Variants in DISP3 observed in about 807,000 individuals in gnomAD.
DISP3 encodes the protein dispatched RND transporter family member 3, also known as protein dispatched homolog 3.
Under a neutral mutation model 135.3 loss-of-function variants are expected in DISP3, and 101 were observed. The ratio of observed to expected loss-of-function variants is 0.75; its 90% confidence interval spans 0.64 to 0.88. The LOEUF is 0.88. DISP3 is among the 40% of genes least tolerant of loss of function. DISP3 has a pLI of 0.00. For missense variants in DISP3, 1,713 were observed against 1,878.6 expected (o/e 0.91, Z 1.63); for synonymous variants, 856 against 817.0 (o/e 1.05, Z -0.81).
At chr1:11,532,296 C>T (rs1250590623) in intron 17 of DISP3, among the ~76,000 whole-genome samples, 4 of 152,248 alleles carry the variant, frequency 2.6e-5, no homozygotes, top group Non-Finnish European at 5.9e-5. Flanking sequence ...CTGCTGCCTC[C>T]GTGCAGAGAC....
Position 11,519,497 on chromosome 1 carries a change from G to C in DISP3, c.2032G>C (p.Glu678Gln). 6.2e-7 allele frequency: 1 copy of C among 1,613,432 alleles called. No individual in the cohort carries two copies. Among genetic ancestry groups the C allele is most frequent in the Non-Finnish European group, 8.5e-7 (1 of 1,179,986 alleles). The change falls in exon 8 of 21, where the codon GAG becomes CAG. Residue 678 changes from glutamate to glutamine, a missense_variant. Around this residue, in one of 2 missense-constraint regions of DISP3, gnomAD observed 1,142 missense variants for 1,384.6 expected, o/e 0.82. Transcript: ENST00000294484. This position sits in a 1 kb window ranked among gnomAD's most constrained non-coding sequence, Gnocchi z 4.3. ...DDIPLLEVEE[E>Q]PVSLELGDVS... ...CATCCCCTTGCTGGAGGTCGAGGAA[G>C]AGCCAGGTGAGAGCTGGCACAGGCC...
Position 11,523,656 on chromosome 1 carries a change from A to G in DISP3, c.2363-286A>G, listed in dbSNP as rs1180783116. Among the ~76,000 whole-genome samples, 2 of 146,992 alleles carry G rather than the reference A, an allele frequency of 1.4e-5. 1 individual carries two copies. Among genetic ancestry groups the G allele is most frequent in the East Asian group, 4.1e-4 (2 of 4,910 alleles). On this transcript the variant is annotated intron_variant, in intron 10 of 20. Coordinates refer to ENST00000294484, the MANE Select transcript of DISP3 (RefSeq NM_020780.2). ...GGGGCAGAGTGGCACAGAGACAGCAAGCAGGGGGCAGAGTGGCACAGAGAG... is the reference window on the plus strand; with the variant it reads ...GGGGCAGAGTGGCACAGAGACAGCAGGCAGGGGGCAGAGTGGCACAGAGAG...
At position 11,531,572 on chromosome 1, in the gene DISP3, C is replaced by T. The variant is rs910385619; in HGVS notation, c.3237C>T (p.Ser1079=). The T allele has an allele frequency of 5.0e-6, 8 of 1,613,458 alleles. No homozygotes were observed. The highest frequency in any genetic ancestry group is 1.3e-5 in the African/African-American group (1 of 75,036). Residue 1079 remains serine, a synonymous_variant, in exon 17 of 21, where the codon AGC becomes AGT. Coordinates refer to ENST00000294484, the MANE Select transcript of DISP3 (RefSeq NM_020780.2). The surrounding 1 kb of genome is among the most constrained non-coding windows in gnomAD (Gnocchi z 5.2). The part of the protein sequence containing the change: ...GGAQCLPSGY[S]ISSFLQMLHP... Reference sequence around the variant, plus strand: ...TCTTGCCTCTCCCCGCAGGCTACAGCATCTCCTCCTTCCTGCAGATGTTGC... The same window carrying T: ...TCTTGCCTCTCCCCGCAGGCTACAGTATCTCCTCCTTCCTGCAGATGTTGC...
intron 17 of DISP3, chr1:11,533,618 C>A: frequency 1.6e-6 from 1 of 621,852 alleles, no homozygotes; most frequent in African/African-American, 1.8e-5. Context: ...TCAGAACTCA[C>A]CTCCCTCTGC....
chr1:11,518,800 G>A (rs1485382736), intron 7 of DISP3, among the ~76,000 whole-genome samples: 1 of 151,914 alleles, frequency 6.6e-6, no homozygotes, highest in East Asian at 2.0e-4. Flanking sequence ...GATTAAGTGA[G>A]ATAATCCACG....
At chr1:11,528,521 A>G (rs963533540) in intron 13 of DISP3, among the ~76,000 whole-genome samples, 9 of 152,234 alleles carry the variant, frequency 5.9e-5, no homozygotes, top group African/African-American at 1.9e-4. Context: ...CCTGCCCTCG[A>G]GCTGTCTAGT....
intron 1 of DISP3, among the ~76,000 whole-genome samples, chr1:11,498,397 G>A (rs1157734120): frequency 6.6e-6 from 1 of 152,202 alleles, no homozygotes; most frequent in Non-Finnish European, 1.5e-5. Flanking sequence ...GTTGTCAGCA[G>A]GAAGTCCTAC....
intron 13 of DISP3, among the ~76,000 whole-genome samples, chr1:11,528,579 G>A (rs1433518132): frequency 6.6e-6 from 1 of 152,228 alleles, no homozygotes; most frequent in Non-Finnish European, 1.5e-5. Context: ...TACAAACTAT[G>A]ATACGTGCTC....
At chr1:11,485,305 G>T (rs959235406) in intron 1 of DISP3, among the ~76,000 whole-genome samples, 1 of 152,308 alleles carries the variant, frequency 6.6e-6, no homozygotes, top group Non-Finnish European at 1.5e-5. Context: ...GACTGTCCAT[G>T]AGCTTGATGT....
Position 11,536,594 on chromosome 1 carries a change from G to A in DISP3, c.4087G>A (p.Val1363Met), listed in dbSNP as rs762989717. 1.4e-5 allele frequency: 23 copies of A among 1,611,436 alleles called. No individual in the cohort carries two copies. Among genetic ancestry groups the A allele is most frequent in the African/African-American group, 1.3e-5 (1 of 74,902 alleles). Residue 1363 changes from valine to methionine, a missense_variant, in exon 21 of 21, where the codon GTG becomes ATG. By Grantham distance (21) the Val-to-Met change is conservative. This residue lies in a region of DISP3 where 1,142 missense variants were observed against 1,384.6 expected (regional missense o/e 0.82). Transcript: ENST00000294484. The surrounding 1 kb of genome is among the most constrained non-coding windows in gnomAD (Gnocchi z 4.3). ...TTCCTTCCTCAAGGCCCTGGGTGCCGTGCTGCTGGCAGGGGCCCTGGGGCT... is the reference window on the plus strand; with the variant it reads ...TTCCTTCCTCAAGGCCCTGGGTGCCATGCTGCTGGCAGGGGCCCTGGGGCT... ...RTSFLKALGA[V>M]LLAGALGLGA...
At chr1:11,481,640 C>T (rs1050297901) in intron 1 of DISP3, 5 of 152,214 alleles carry the variant, frequency 3.3e-5, no homozygotes, top group South Asian at 2.1e-4. Flanking sequence ...AAACTACTTC[C>T]CTTCTCTGAG....
At chr1:11,514,588 C>G in intron 4 of DISP3, 62 bp downstream of exon 4, 1 of 1,552,010 alleles carries the variant, frequency 6.4e-7, no homozygotes, top group Non-Finnish European at 8.8e-7. Context: ...CTGCCCAGAG[C>G]CTGCCTTCTC....
chr1:11,487,687 G>C (rs549847934), intron 1 of DISP3, among the ~76,000 whole-genome samples: 1 of 152,118 alleles, frequency 6.6e-6, no homozygotes, highest in African/African-American at 2.4e-5. Context: ...AACACCCTTG[G>C]CTCAGGTTCA....
Position 11,536,779 on chromosome 1 carries a change from G to A in DISP3, c.*93G>A. 1 of 1,424,892 alleles carries A rather than the reference G, an allele frequency of 7.0e-7. No individual in the cohort carries two copies. The highest frequency in any genetic ancestry group is 2.8e-5 in the Admixed American group (1 of 35,518). 88.3% of individuals were successfully genotyped at this position (1,424,892 alleles called of 1,614,324 possible). A position where few individuals can be genotyped will look rare whatever the true frequency, so the allele number is the denominator to read the frequency against. On this transcript the variant is annotated 3_prime_UTR_variant, in exon 21 of 21. Coordinates refer to ENST00000294484, the MANE Select transcript of DISP3 (RefSeq NM_020780.2). This position sits in a 1 kb window ranked among gnomAD's most constrained non-coding sequence, Gnocchi z 4.3. ...TCGACTTCAGCTAGCTGTGTCCCCA[G>A]GCCTGGGCCCAGGGCGCCCTGCGGG...
intron 3 of DISP3, 36 bp downstream of exon 3, chr1:11,502,933 C>T (rs1641593084): frequency 6.5e-7 from 1 of 1,536,068 alleles, no homozygotes; most frequent in Non-Finnish European, 8.9e-7. Flanking sequence ...TGTGCATGCC[C>T]ATTTTTGATT....
intron 3 of DISP3, among the ~76,000 whole-genome samples, chr1:11,507,380 A>G (rs764557233): frequency 6.6e-6 from 1 of 152,058 alleles, no homozygotes; most frequent in African/African-American, 2.4e-5. Flanking sequence ...AAAAGCTGCT[A>G]AAAAAAATCA....
At position 11,529,686 on chromosome 1, in the gene DISP3, G is replaced by A. The variant is rs778432547; in HGVS notation, c.2929G>A (p.Val977Met). 6.2e-7 allele frequency: 1 copy of A among 1,603,486 alleles called. No individual in the cohort carries two copies. The highest frequency in any genetic ancestry group is 1.7e-4 in the Middle Eastern group (1 of 6,032). ...KGFFFVPSEK[V>M]PKARLSATFG... is the part of the protein sequence containing the mutation. Reference sequence around the variant, plus strand: ...CTTCTTCTTCGTGCCTAGTGAGAAAGGTACGGCAAGGGCACACAGGTGGGG... The same window carrying A: ...CTTCTTCTTCGTGCCTAGTGAGAAAAGTACGGCAAGGGCACACAGGTGGGG... The change falls in exon 14 of 21, where the codon GTG becomes ATG. Residue 977 changes from valine (V) to methionine (M), a missense_variant and splice_region_variant. Physicochemically the swap from Val to Met is conservative, Grantham distance 21. Transcript: ENST00000294484. This position sits in a 1 kb window ranked among gnomAD's most constrained non-coding sequence, Gnocchi z 4.7.
rs137859252 is a variant in DISP3, at chr1:11,487,691, A to G, written c.-4+8319A>G. ...GAGGGGCCCAGAACACCCTTGGCTC[A>G]GGTTCAGTAGAGAGACTGACTCCCT... On this transcript the variant is annotated intron_variant, in intron 1 of 20. Coordinates refer to ENST00000294484, the MANE Select transcript of DISP3 (RefSeq NM_020780.2). 2.3e-3 allele frequency among the ~76,000 whole-genome samples: 346 copies of G among 152,290 alleles called. 5 individuals carry two copies. In the East Asian group the frequency reaches 0.043, roughly 19 times the overall value.
chr1:11,511,009 T>C (rs1292247323), intron 3 of DISP3, among the ~76,000 whole-genome samples: 1 of 152,188 alleles, frequency 6.6e-6, no homozygotes, highest in East Asian at 1.9e-4. Context: ...TCATATCTCA[T>C]GAGACTTATT....
Sources: gnomAD v4.1 joint callset for allele counts (sites outside exome capture counted in the v4.1 genomes callset) on GRCh38, gnomAD v4.1.1 for gene constraint, gnomAD v4.1.1 regional missense constraint, Gnocchi (gnomAD v3.1) non-coding constraint, MANE v1.5 for transcripts, NCBI Gene and HGNC (gene_info 2026-07-23, HGNC 2026-07-21) for gene names.